Variants in ZMYND8 observed in about 807,000 individuals in gnomAD.
ZMYND8 encodes the protein MYND-type zinc finger-containing chromatin reader ZMYND8.
ZMYND8 carries 37 observed loss-of-function variants against 140.8 expected under a neutral mutation model. The ratio of observed to expected loss-of-function variants is 0.26; its 90% CI spans 0.20 to 0.35. ZMYND8 has a LOEUF of 0.35. Among genes scored for constraint, ZMYND8 ranks in the 10% least tolerant of loss-of-function variants. ZMYND8 has a pLI of 1.00. For missense variants in ZMYND8, 1,068 were observed against 1,570.0 expected, an observed-to-expected ratio of 0.68 and a Z score of 5.40; for synonymous variants, 592 against 597.1, an observed-to-expected ratio of 0.99 and a Z score of 0.12.
chr20:47,334,241 C>T (rs1229715829), intron 2 of ZMYND8, among the ~76,000 whole-genome samples: 1 of 152,100 alleles, frequency 6.6e-6, no homozygotes, highest in Non-Finnish European at 1.5e-5. Flanking sequence ...TGATGCTAGC[C>T]AGAGAAAAGA....
In ZMYND8 at chr20:47,239,002, G is replaced by C. The variant is rs141632187; in HGVS notation, c.2421C>G (p.Val807=). 53 of 1,607,546 alleles carry C rather than the reference G, an allele frequency of 3.3e-5. No individual in the cohort carries two copies. The African/African-American group carries it at 6.1e-4, about 19-fold the overall frequency. Residue 807 remains valine (V), a synonymous_variant, in exon 15 of 23, where the codon GTC becomes GTG. Transcript: ENST00000471951. The stretch of plus-strand genomic sequence containing the variant: ...CTGTGGCGGCGGGGGCCGGGGCCGT[G>C]ACGGTGACCGTGGAGGACGTGCTGG... The part of the protein sequence containing the change: ...ATTSTSSTVT[V]TAPAPAATGS...
Position 47,236,334 on chromosome 20 carries a change from T to C in ZMYND8, c.2848A>G (p.Thr950Ala). 1.2e-6 allele frequency: 2 copies of C among 1,614,192 alleles called. No individual in the cohort carries two copies. The highest frequency in any genetic ancestry group is 8.5e-7 in the Non-Finnish European group (1 of 1,180,034). Residue 950 changes from threonine (T) to alanine (A), a missense_variant, in exon 16 of 23, where the codon ACT becomes GCT. Physicochemically the swap from Thr to Ala is moderately conservative, Grantham distance 58. Transcript: ENST00000471951. ...ADVAADIAKY[T>A]SKMMDAIKGT... ...CTCTCCCATCCACTCACTTTGCTAG[T>C]GTACTTGGCAATATCAGCGGCGACA...
At chr20:47,234,360 T>A (rs1017611919) in intron 16 of ZMYND8, among the ~76,000 whole-genome samples, 8 of 152,222 alleles carry the variant, frequency 5.3e-5, no homozygotes, top group Non-Finnish European at 8.8e-5. Context: ...CCATTGCTGA[T>A]TTTGATGAAG....
chr20:47,220,403 G>C, intron 20 of ZMYND8, 79 bp from the exon 21 acceptor site: 1 of 1,192,372 alleles, frequency 8.4e-7, no homozygotes, highest in East Asian at 2.6e-5. Context: ...AGGGAGTCAT[G>C]GGGGTGCTCA....
chr20:47,212,688 T>C lies in ZMYND8; in HGVS notation c.3522A>G (p.Pro1174=). 6.2e-7 allele frequency: 1 copy of C among 1,613,850 alleles called. No individual in the cohort carries two copies. The highest frequency in any genetic ancestry group is 2.2e-5 in the East Asian group (1 of 44,858). Residue 1174 remains proline, a synonymous_variant, in exon 22 of 23, where the codon CCA becomes CCG. Coordinates refer to ENST00000471951, the MANE Select transcript of ZMYND8 (RefSeq NM_001281775.3). ...KRCDKQPAYA[P]TTTDHQPHPN... is the part of the protein sequence containing the mutation. ...GGTGCGGCTGGTGGTCTGTGGTGGT[T>C]GGGGCATAGGCAGGTTGCTTGTCAC...
intron 2 of ZMYND8, among the ~76,000 whole-genome samples, chr20:47,312,213 CAGATTA>C (rs1324284670): frequency 1.3e-5 from 2 of 152,194 alleles, no homozygotes; most frequent in Non-Finnish European, 2.9e-5. Flanking sequence ...TCACTGACAG[CAGATTA>C]ACAGCATCCA....
At chr20:47,278,803 G>A (rs2076415725) in intron 10 of ZMYND8, among the ~76,000 whole-genome samples, 1 of 152,134 alleles carries the variant, frequency 6.6e-6, no homozygotes, top group Non-Finnish European at 1.5e-5. Context: ...CTCAAGGTAA[G>A]AGTTTGCCTC....
At position 47,220,332 on chromosome 20, in the gene ZMYND8, T is replaced by C. The variant is rs369020425; in HGVS notation, c.3418-8A>G. 402 of 1,554,210 alleles carry C rather than the reference T, an allele frequency of 2.6e-4. No individual in the cohort carries two copies. The highest frequency in any genetic ancestry group is 3.3e-4 in the Non-Finnish European group (375 of 1,148,178). Reference sequence around the variant, plus strand: ...GCCAGAAAGGTCAAGGGTCTAGAAATACAAAAAGAAAAAGATGGACTCAAG... The same window carrying C: ...GCCAGAAAGGTCAAGGGTCTAGAAACACAAAAAGAAAAAGATGGACTCAAG... On this transcript the variant is annotated splice_polypyrimidine_tract_variant and splice_region_variant and intron_variant, in intron 20 of 22. Coordinates refer to ENST00000471951, the MANE Select transcript of ZMYND8 (RefSeq NM_001281775.3).
intron 1 of ZMYND8, 159 bp downstream of exon 1, chr20:47,356,498 C>T (rs2083251920): frequency 6.3e-7 from 1 of 1,598,686 alleles, no homozygotes; most frequent in African/African-American, 1.3e-5. Context: ...CCATGTGACC[C>T]AAGAAAGCAA....
At position 47,238,879 on chromosome 20, in the gene ZMYND8, G is replaced by A; in HGVS notation, c.2544C>T (p.Ser848=). 6.2e-7 allele frequency: 1 copy of A among 1,613,788 alleles called. No individual in the cohort carries two copies. The highest frequency in any genetic ancestry group is 1.7e-5 in the Admixed American group (1 of 60,032). ...TCTTCTGCATGTGCCACTTTTGGGA[G>A]GACGTTTGAAACTTACTTGATGAGT... The part of the protein sequence containing the change: ...VWNSSSKFQT[S]SQKWHMQKMQ... The change falls in exon 15 of 23, where the codon TCC becomes TCT. Residue 848 remains serine (S), a synonymous_variant. Transcript: ENST00000471951.
At chr20:47,341,113 T>C (rs982362528) in intron 2 of ZMYND8, among the ~76,000 whole-genome samples, 1 of 152,148 alleles carries the variant, frequency 6.6e-6, no homozygotes, top group Non-Finnish European at 1.5e-5. Context: ...AAGGCTAGAA[T>C]GATCCATGTG....
chr20:47,246,625 T>G, intron 13 of ZMYND8, 108 bp from the exon 14 acceptor site: 2 of 1,439,898 alleles, frequency 1.4e-6, no homozygotes, highest in Admixed American at 2.6e-5. Context: ...AAAAGCACGT[T>G]TCAAATCGCA....
intron 2 of ZMYND8, among the ~76,000 whole-genome samples, chr20:47,330,117 A>T (rs1220944897): frequency 6.6e-6 from 1 of 152,136 alleles, no homozygotes; most frequent in African/African-American, 2.4e-5. Context: ...CACAGTGAGG[A>T]TGGTCCTCAC....
At chr20:47,339,431 A>G (rs1400238870) in intron 2 of ZMYND8, among the ~76,000 whole-genome samples, 1 of 152,136 alleles carries the variant, frequency 6.6e-6, no homozygotes, top group African/African-American at 2.4e-5. Context: ...ACTGTCTCTA[A>G]GTTGATGCAA....
chr20:47,285,037 T>C (rs1569095894), intron 8 of ZMYND8, among the ~76,000 whole-genome samples: 1 of 152,170 alleles, frequency 6.6e-6, no homozygotes, highest in Non-Finnish European at 1.5e-5. Context: ...GCTGGTATCA[T>C]TCTAAGAATT....
chr20:47,334,045 A>G (rs139789785), intron 2 of ZMYND8, among the ~76,000 whole-genome samples: 6 of 152,380 alleles, frequency 3.9e-5, no homozygotes, highest in East Asian at 3.8e-4. Flanking sequence ...AAATGTGCTC[A>G]GAACACTTAG....
intron 2 of ZMYND8, among the ~76,000 whole-genome samples, chr20:47,311,901 G>T (rs1264803008): frequency 1.3e-5 from 2 of 151,962 alleles, no homozygotes; most frequent in African/African-American, 4.8e-5. Context: ...ATAAACACAG[G>T]TACACTTCCA....
At chr20:47,282,793 T>C (rs1569090202) in intron 9 of ZMYND8, among the ~76,000 whole-genome samples, 1 of 152,036 alleles carries the variant, frequency 6.6e-6, no homozygotes, top group East Asian at 1.9e-4. Flanking sequence ...CATTATTATC[T>C]GGGCAGGCAC....
Position 47,238,791 on chromosome 20 carries a change from C to T in ZMYND8, c.2632G>A (p.Gly878Arg). 1 of 1,612,660 alleles carries T rather than the reference C, an allele frequency of 6.2e-7. No homozygotes were observed. The highest frequency in any genetic ancestry group is 8.5e-7 in the Non-Finnish European group (1 of 1,179,770). The change falls in exon 15 of 23, where the codon GGG (glycine) becomes AGG (arginine). Residue 878 changes from glycine (G) to arginine (R), a missense_variant. This residue lies in a region of ZMYND8 where 383 missense variants were observed against 431.2 expected (regional missense o/e 0.89). Coordinates refer to ENST00000471951, the MANE Select transcript of ZMYND8 (RefSeq NM_001281775.3). ...GCCTGTCTGGTCTGATATCTCGTCC[C>T]CTGGGAAGACTGAGGCTGCTGCTGC... Reference protein sequence around the residue: ...NQQQQPQSSQGTRYQTRQAVK... With the variant: ...NQQQQPQSSQRTRYQTRQAVK...
Sources: gnomAD v4.1 joint callset for allele counts (sites outside exome capture counted in the v4.1 genomes callset) on GRCh38, gnomAD v4.1.1 for gene constraint, gnomAD v4.1.1 regional missense constraint, MANE v1.5 for transcripts, NCBI Gene and HGNC (gene_info 2026-07-23, HGNC 2026-07-21) for gene names.